FHIT: variants seen among roughly 807,000 people sequenced by gnomAD.
FHIT encodes fragile histidine triad diadenosine triphosphatase, also known as bis(5'-adenosyl)-triphosphatase.
FHIT carries 19 observed loss-of-function variants against 17.9 expected under a neutral mutation model. That is an observed-to-expected ratio of 1.06 (90% CI 0.74 to 1.56). FHIT has a LOEUF of 1.56. FHIT is among the 40% of genes most tolerant of loss of function. FHIT has a pLI of 0.00. For missense variants in FHIT, 248 were observed against 189.2 expected (o/e 1.31, Z -1.82); for synonymous variants, 81 against 69.7 (o/e 1.16, Z -0.81).
At chr3:61,094,441 A>T (rs1255423569) in intron 2 of FHIT, among the ~76,000 whole-genome samples, 3 of 152,254 alleles carry the variant, frequency 2.0e-5, no homozygotes, top group South Asian at 2.1e-4. Context: ...AGAGCAATAA[A>T]ATTAGACAAT....
intron 5 of FHIT, among the ~76,000 whole-genome samples, chr3:60,250,445 C>A (rs549229317): frequency 6.6e-6 from 1 of 152,164 alleles, no homozygotes; most frequent in Non-Finnish European, 1.5e-5. Context: ...AGGACCCCCT[C>A]GGCCAGAAAA....
At chr3:60,281,623 A>G (rs1707458926) in intron 5 of FHIT, among the ~76,000 whole-genome samples, 1 of 151,068 alleles carries the variant, frequency 6.6e-6, no homozygotes, top group Non-Finnish European at 1.5e-5. Context: ...TATGCCAAAA[A>G]AAAAAAAAGG....
In FHIT at chr3:61,131,412, T is replaced by C. The variant is rs9311798; in HGVS notation, c.-164+69205A>G. On this transcript the variant is annotated intron_variant, in intron 2 of 9. Coordinates refer to ENST00000492590, the MANE Select transcript of FHIT (RefSeq NM_002012.4). ...GGCTAGCATCCATCTTTGGTTGTTA[T>C]CAAAATATTCTCCTTCCTCAGCACA... Among the ~76,000 whole-genome samples the C allele has an allele frequency of 8.2e-3, 1,249 of 152,346 alleles. 14 individuals carry two copies. Among genetic ancestry groups the C allele is most frequent in the African/African-American group, 0.028 (1,159 of 41,580 alleles).
chr3:60,194,563 AAC>A (rs1702539749), intron 5 of FHIT, among the ~76,000 whole-genome samples: 1 of 152,154 alleles, frequency 6.6e-6, no homozygotes, highest in Non-Finnish European at 1.5e-5. Flanking sequence ...AAGCAAATGA[AAC>A]AAAAACAAAA....
intron 8 of FHIT, among the ~76,000 whole-genome samples, chr3:59,788,881 G>GTTTTTTTTTTTGTTTT (rs1553677016): frequency 1.2e-5 from 1 of 86,804 alleles, no homozygotes; most frequent in Non-Finnish European, 2.0e-5. Flanking sequence ...GAGTTCATAT[G>GTTTTTTTTTTTGTTTT]TTTTTTTTTT....
intron 5 of FHIT, among the ~76,000 whole-genome samples, chr3:60,155,414 C>A (rs979069557): frequency 6.6e-6 from 1 of 152,116 alleles, no homozygotes; most frequent in African/African-American, 2.4e-5. Flanking sequence ...AACTACCCCA[C>A]GCAGCAAAGT....
intron 4 of FHIT, among the ~76,000 whole-genome samples, chr3:60,621,560 A>G (rs569201849): frequency 1.3e-5 from 2 of 152,172 alleles, no homozygotes; most frequent in Admixed American, 1.3e-4. Flanking sequence ...CCTTAAAGCA[A>G]CTACTAGTGA....
chr3:60,163,781 G>A (rs1701039810), intron 5 of FHIT, among the ~76,000 whole-genome samples: 1 of 152,194 alleles, frequency 6.6e-6, no homozygotes, highest in Admixed American at 6.5e-5. Flanking sequence ...CTACCCCTCA[G>A]TTCTGACAAC....
intron 2 of FHIT, among the ~76,000 whole-genome samples, chr3:61,162,120 T>C (rs1338397568): frequency 6.6e-6 from 1 of 152,226 alleles, no homozygotes. Flanking sequence ...ATCCTGTTAA[T>C]TGACCAAATG....
At chr3:61,026,596 T>C (rs1301741209) in intron 3 of FHIT, among the ~76,000 whole-genome samples, 1 of 152,190 alleles carries the variant, frequency 6.6e-6, no homozygotes, top group East Asian at 1.9e-4. Flanking sequence ...TCAGGACAGC[T>C]TAGAATGCAG....
At chr3:59,757,256 C>A (rs1472816834) in intron 8 of FHIT, among the ~76,000 whole-genome samples, 1 of 152,214 alleles carries the variant, frequency 6.6e-6, no homozygotes, top group Non-Finnish European at 1.5e-5. Flanking sequence ...TCACATTCAA[C>A]AGACTGAAGT....
At chr3:60,736,508 G>A (rs1469677726) in intron 4 of FHIT, among the ~76,000 whole-genome samples, 1 of 152,180 alleles carries the variant, frequency 6.6e-6, no homozygotes, top group Non-Finnish European at 1.5e-5. Context: ...GATGAGCCTT[G>A]AAAACATTAT....
At chr3:60,976,484 C>A (rs1397123269) in intron 3 of FHIT, among the ~76,000 whole-genome samples, 1 of 152,058 alleles carries the variant, frequency 6.6e-6, no homozygotes, top group East Asian at 1.9e-4. Context: ...ATCTTTAAAA[C>A]AAACAAACGA....
At chr3:61,066,176 A>G (rs555806855) in intron 2 of FHIT, among the ~76,000 whole-genome samples, 1 of 152,320 alleles carries the variant, frequency 6.6e-6, no homozygotes, top group African/African-American at 2.4e-5. Flanking sequence ...TAATAATGAC[A>G]TTAATTTATT....
chr3:60,494,861 T>A (rs576763956), intron 5 of FHIT, among the ~76,000 whole-genome samples: 2 of 152,314 alleles, frequency 1.3e-5, no homozygotes, highest in Admixed American at 1.3e-4. Flanking sequence ...CCACATTTTT[T>A]AAATCCATTC....
chr3:60,910,686 A>G (rs1706697560), intron 3 of FHIT, among the ~76,000 whole-genome samples: 1 of 152,212 alleles, frequency 6.6e-6, no homozygotes, highest in Non-Finnish European at 1.5e-5. Context: ...TGCTGGGATT[A>G]CAGGCATGAG....
chr3:60,307,750 C>T (rs1159756689), intron 5 of FHIT, among the ~76,000 whole-genome samples: 1 of 152,132 alleles, frequency 6.6e-6, no homozygotes, highest in Non-Finnish European at 1.5e-5. Context: ...CCTGGACAAA[C>T]ACTGGGAGAG....
intron 2 of FHIT, among the ~76,000 whole-genome samples, chr3:61,120,298 C>T (rs899076622): frequency 5.3e-5 from 8 of 152,204 alleles, no homozygotes; most frequent in Non-Finnish European, 1.5e-5. Flanking sequence ...ATATAACAAA[C>T]ATTCAATAAA....
chr3:61,125,620 T>C (rs1328144520), intron 2 of FHIT, among the ~76,000 whole-genome samples: 1 of 152,184 alleles, frequency 6.6e-6, no homozygotes, highest in Non-Finnish European at 1.5e-5. Context: ...TTGCAAAGTT[T>C]TATGAAAATC....
Sources: allele counts gnomAD v4.1 joint callset (sites outside exome capture counted in the v4.1 genomes callset), GRCh38; gene constraint gnomAD v4.1.1; transcripts MANE v1.5; gene names NCBI Gene and HGNC (gene_info 2026-07-23, HGNC 2026-07-21).